The following SHISA9 variants were observed in gnomAD, a reference collection of about 807,000 sequenced individuals.
The protein encoded by SHISA9 is protein shisa-9.
In SHISA9, 13 loss-of-function variants were observed where a neutral mutation model predicts 38.0. The observed-to-expected ratio is 0.34, with a 90% CI of 0.22 to 0.54. The LOEUF (loss-of-function observed/expected upper bound fraction) is 0.54. Among genes scored for constraint, SHISA9 ranks in the 20% least tolerant of loss-of-function variants. The probability of loss-of-function intolerance (pLI) is 0.91; values close to 1 mark genes in which losing one functional copy is unlikely to be tolerated. For synonymous variants in SHISA9, 275 were observed against 242.0 expected (o/e 1.14, Z -1.27); for missense variants, 538 against 575.8 (o/e 0.93, Z 0.67).
At chr16:13,071,348 C>T (rs991183245) in intron 2 of SHISA9, among the ~76,000 whole-genome samples, 2 of 152,148 alleles carry the variant, frequency 1.3e-5, no homozygotes, top group African/African-American at 2.4e-5. Context: ...GGCAGGCTCT[C>T]TGATGAGGGC....
intron 2 of SHISA9, among the ~76,000 whole-genome samples, chr16:12,976,922 A>C (rs80068558): frequency 0.018 from 2,722 of 152,320 alleles, 87 homozygotes; most frequent in African/African-American, 0.062. Context: ...AGTGGCACTT[A>C]ACAATGAATC....
intron 2 of SHISA9, among the ~76,000 whole-genome samples, chr16:12,976,628 C>G (rs886958393): frequency 2.6e-5 from 4 of 152,188 alleles, no homozygotes. Context: ...TTCTCAGAAT[C>G]TCTCTGAATC....
the SHISA9 span, among the ~76,000 whole-genome samples, chr16:13,405,675 C>G: frequency 3.3e-5 from 5 of 152,082 alleles, no homozygotes; most frequent in Non-Finnish European, 7.4e-5. Context: ...AGCTTTATGT[C>G]CATGAGTACC....
the SHISA9 span, among the ~76,000 whole-genome samples, chr16:13,520,309 G>C: frequency 2.0e-5 from 3 of 152,072 alleles, no homozygotes; most frequent in Admixed American, 2.0e-4. Flanking sequence ...CACGTAAAAA[G>C]TTCTAGGGGG....
chr16:12,990,288 G>A (rs1000865733), intron 2 of SHISA9, among the ~76,000 whole-genome samples: 4 of 151,984 alleles, frequency 2.6e-5, no homozygotes, highest in African/African-American at 9.7e-5. Flanking sequence ...TATTCCTTTG[G>A]GCATATACCC....
At chr16:13,486,248 G>A in the SHISA9 span, among the ~76,000 whole-genome samples, 2 of 152,202 alleles carry the variant, frequency 1.3e-5, no homozygotes, top group African/African-American at 4.8e-5. Flanking sequence ...AATGGTGAAA[G>A]CTAGACTGGG....
At chr16:13,497,452 G>A in the SHISA9 span, among the ~76,000 whole-genome samples, 3 of 152,042 alleles carry the variant, frequency 2.0e-5, no homozygotes, top group Non-Finnish European at 2.9e-5. Context: ...TTGGGAGGCC[G>A]AGGCAGGAGG....
the SHISA9 span, among the ~76,000 whole-genome samples, chr16:13,393,318 C>T: frequency 6.6e-6 from 1 of 152,134 alleles, no homozygotes; most frequent in Non-Finnish European, 1.5e-5. Context: ...TGAACAAGAG[C>T]CCAGCATTTT....
In SHISA9 at chr16:13,145,063, G is replaced by C. The variant is rs545684964; in HGVS notation, c.692-58331G>C. ...TTTCTTCGACCCTATTGTTTTCTTA[G>C]TGCTGGCTGCTTCCCATGTGTTCCT... is the stretch of plus-strand genomic sequence containing the variant. On this transcript the variant is annotated intron_variant, in intron 2 of 4. Transcript: ENST00000558583. Among the ~76,000 whole-genome samples the C allele has an allele frequency of 1.4e-4, 22 of 152,292 alleles. 1 individual carries two copies. The highest frequency in any genetic ancestry group is 5.9e-4 in the Admixed American group (9 of 15,298).
intron 2 of SHISA9, among the ~76,000 whole-genome samples, chr16:12,970,340 T>TAC (rs2072040812): frequency 4.7e-5 from 4 of 85,870 alleles, no homozygotes; most frequent in African/African-American, 2.1e-4. Context: ...TATATATATA[T>TAC]ATACATATAT....
At chr16:13,272,428 A>G in the SHISA9 span, among the ~76,000 whole-genome samples, 4 of 151,894 alleles carry the variant, frequency 2.6e-5, no homozygotes, top group East Asian at 1.9e-4. Context: ...GAGTCTCGCT[A>G]TGTTACCCAG....
At chr16:13,121,832 TACACACACACACACACAC>T (rs55727441) in intron 2 of SHISA9, among the ~76,000 whole-genome samples, 1,396 of 134,914 alleles carry the variant, frequency 0.01, 31 homozygotes, top group East Asian at 0.024. Context: ...TATACACACA[TACACACACACACACACAC>T]ACACACACAC....
intron 2 of SHISA9, among the ~76,000 whole-genome samples, chr16:13,019,145 A>G (rs62027195): frequency 0.13 from 19,640 of 151,954 alleles, 1,363 homozygotes; most frequent in Middle Eastern, 0.17. Context: ...AATTATGGGC[A>G]CTCACCACCA....
the SHISA9 span, among the ~76,000 whole-genome samples, chr16:13,388,423 T>C: frequency 6.6e-6 from 1 of 151,904 alleles, no homozygotes; most frequent in Non-Finnish European, 1.5e-5. Context: ...GCAATTCTCC[T>C]GCCTCAGCTT....
At chr16:13,418,530 T>C in the SHISA9 span, among the ~76,000 whole-genome samples, 1 of 152,180 alleles carries the variant, frequency 6.6e-6, no homozygotes, top group African/African-American at 2.4e-5. Flanking sequence ...CTGGCACTGC[T>C]TCTCCTCCGT....
intron 2 of SHISA9, among the ~76,000 whole-genome samples, chr16:13,034,763 G>A (rs372337041): frequency 6.6e-6 from 1 of 152,188 alleles, no homozygotes; most frequent in East Asian, 1.9e-4. Flanking sequence ...ACGCTTGTGT[G>A]TTTCTTCTTG....
intron 2 of SHISA9, among the ~76,000 whole-genome samples, chr16:12,988,837 C>G (rs1289827037): frequency 1.3e-5 from 2 of 151,868 alleles, no homozygotes; most frequent in African/African-American, 4.8e-5. Context: ...TATCTGTTTT[C>G]TAAGAAAAAA....
intron 2 of SHISA9, among the ~76,000 whole-genome samples, chr16:13,087,147 C>CT (rs956913326): frequency 0.074 from 6,014 of 81,380 alleles, 120 homozygotes; most frequent in Non-Finnish European, 0.1. Context: ...ATGAACTCGT[C>CT]TTTTTTTTTT....
At chr16:13,084,280 G>C (rs1013496022) in intron 2 of SHISA9, among the ~76,000 whole-genome samples, 4 of 152,174 alleles carry the variant, frequency 2.6e-5, no homozygotes, top group African/African-American at 9.7e-5. Context: ...TCATTCTGCT[G>C]CTTCTTTTTG....
Sources: allele counts gnomAD v4.1 joint callset (sites outside exome capture counted in the v4.1 genomes callset), GRCh38; gene constraint gnomAD v4.1.1; transcripts MANE v1.5; gene names NCBI Gene and HGNC (gene_info 2026-07-23, HGNC 2026-07-21).